The following ANKRD27 variants were observed in gnomAD, a reference collection of about 807,000 sequenced individuals.
The protein encoded by ANKRD27 is ankyrin repeat domain 27, also known as ankyrin repeat domain-containing protein 27.
ANKRD27 carries 112 observed loss-of-function variants against 129.7 expected under a neutral mutation model. The ratio of observed to expected loss-of-function variants is 0.86; its 90% CI spans 0.74 to 1.01. The LOEUF is 1.01. Ranked by LOEUF, ANKRD27 falls within the 50% of genes least tolerant of loss-of-function variation. ANKRD27 has a pLI of 0.00. For synonymous variants in ANKRD27, 516 were observed against 511.2 expected (o/e 1.01, Z -0.13); for missense variants, 1,258 against 1,300.5 (o/e 0.97, Z 0.50).
chr19:32,640,485 C>A, intron 10 of ANKRD27, 100 bp from the exon 11 acceptor site: 1 of 940,474 alleles, frequency 1.1e-6, no homozygotes. Flanking sequence ...AACCACGTAT[C>A]AGGGAGATCA....
At chr19:32,612,260 A>G (rs1971845939) in intron 22 of ANKRD27, among the ~76,000 whole-genome samples, 1 of 152,186 alleles carries the variant, frequency 6.6e-6, no homozygotes. Flanking sequence ...TACCATGTTC[A>G]TGAAGACTCA....
intron 12 of ANKRD27, chr19:32,636,429 C>G (rs1014961327): frequency 1.3e-5 from 2 of 151,410 alleles, no homozygotes; most frequent in Admixed American, 6.6e-5. Flanking sequence ...GGCAAAGAAT[C>G]TCGGGCCAAG....
chr19:32,621,520 A>G (rs1451499647), intron 18 of ANKRD27, among the ~76,000 whole-genome samples: 1 of 152,132 alleles, frequency 6.6e-6, no homozygotes, highest in Non-Finnish European at 1.5e-5. Context: ...CCCAGCTGCT[A>G]GGGAGGCTGA....
At chr19:32,655,662 C>T (rs1247494899) in intron 2 of ANKRD27, among the ~76,000 whole-genome samples, 2 of 152,100 alleles carry the variant, frequency 1.3e-5, no homozygotes, top group Admixed American at 6.6e-5. Context: ...AGGAGGATCG[C>T]CTGAGGTCAG....
At position 32,655,044 on chromosome 19, in the gene ANKRD27, A is replaced by C. The variant is rs138957729; in HGVS notation, c.102+3870T>G. 1,456 of 152,496 alleles carry C rather than the reference A, an allele frequency of 9.5e-3. 11 individuals carry two copies. Among genetic ancestry groups the C allele is most frequent in the Middle Eastern group, 0.023 (7 of 298 alleles). The allele number at this position is 152,496 out of a possible 1,614,324, so 9.4% of individuals were successfully genotyped here. ...TGATCCGCCTGCCTTGGCCTCCCAA[A>C]GTGCTGGGATTACAGGCATGAGCCA... On this transcript the variant is annotated intron_variant, in intron 2 of 28. Transcript: ENST00000306065.
intron 17 of ANKRD27, among the ~76,000 whole-genome samples, chr19:32,625,168 A>G (rs942160341): frequency 3.3e-5 from 5 of 152,058 alleles, no homozygotes; most frequent in Admixed American, 3.3e-4. Flanking sequence ...AGGTGGGAGA[A>G]TCGCTTGAAC....
intron 3 of ANKRD27, among the ~76,000 whole-genome samples, chr19:32,647,414 G>A (rs190348151): frequency 6.6e-6 from 1 of 152,316 alleles, no homozygotes; most frequent in Non-Finnish European, 1.5e-5. Context: ...GGTATGTGTC[G>A]TTTTGTTTTG....
intron 18 of ANKRD27, among the ~76,000 whole-genome samples, 185 bp downstream of exon 18, chr19:32,622,233 CCACT>C (rs1164688753): frequency 3.9e-5 from 6 of 152,134 alleles, no homozygotes; most frequent in East Asian, 1.9e-4. Flanking sequence ...AGAAAAACGC[CCACT>C]CAAACCAAAA....
intron 12 of ANKRD27, among the ~76,000 whole-genome samples, chr19:32,633,331 GTTTTTT>G (rs140018331): frequency 1.6e-5 from 2 of 122,226 alleles, no homozygotes; most frequent in Non-Finnish European, 3.5e-5. Context: ...TTTTTTATCT[GTTTTTT>G]TTTTTTTTTT....
rs185905241 is a variant in ANKRD27 at position 32,665,518 on chromosome 19, G to A, written c.-30-6473C>T. ...TCTGTCACCCAGGCTGGAGTACAGTGGCATGATCTTGACTCACAGCAAGCT... is the reference window on the plus strand; with the variant it reads ...TCTGTCACCCAGGCTGGAGTACAGTAGCATGATCTTGACTCACAGCAAGCT... On this transcript the variant is annotated intron_variant, in intron 1 of 28. Coordinates refer to ENST00000306065, the MANE Select transcript of ANKRD27 (RefSeq NM_032139.3). 2.7e-3 allele frequency among the ~76,000 whole-genome samples: 407 copies of A among 151,818 alleles called. 1 individual carries two copies. The highest frequency in any genetic ancestry group is 4.9e-3 in the Admixed American group (74 of 15,190).
At chr19:32,651,553 G>A (rs1967416937) in intron 2 of ANKRD27, among the ~76,000 whole-genome samples, 1 of 152,098 alleles carries the variant, frequency 6.6e-6, no homozygotes, top group Admixed American at 6.5e-5. Flanking sequence ...TGTATTTTTA[G>A]TAGAGACGGG....
chr19:32,663,918 T>C (rs1268392460), intron 1 of ANKRD27, among the ~76,000 whole-genome samples: 1 of 149,884 alleles, frequency 6.7e-6, no homozygotes, highest in East Asian at 2.0e-4. Flanking sequence ...TAGCCGGGCG[T>C]AGTGGCGGGC....
intron 2 of ANKRD27, among the ~76,000 whole-genome samples, chr19:32,656,972 T>C (rs150718193): frequency 1.6e-3 from 245 of 152,282 alleles, no homozygotes; most frequent in African/African-American, 5.3e-3. Flanking sequence ...ATTTTTAAAA[T>C]AATGAACTTT....
chr19:32,628,004 C>A, intron 15 of ANKRD27, 79 bp downstream of exon 15: 1 of 1,350,026 alleles, frequency 7.4e-7, no homozygotes, highest in Non-Finnish European at 1.0e-6. Flanking sequence ...AGCCCATCAG[C>A]CAGGCCTCTC....
At chr19:32,644,297 C>T (rs1392291108) in intron 5 of ANKRD27, 28 bp downstream of exon 5, 2 of 1,601,160 alleles carry the variant, frequency 1.2e-6, no homozygotes, top group African/African-American at 2.7e-5. Context: ...ACAGGGCACG[C>T]CAGGCAGAGG....
chr19:32,641,475 T>C (rs1029120893), intron 10 of ANKRD27, among the ~76,000 whole-genome samples: 5 of 152,136 alleles, frequency 3.3e-5, no homozygotes, highest in African/African-American at 1.2e-4. Context: ...ATTTAAAAAT[T>C]CAAACAATAC....
chr19:32,604,363 A>G lies in ANKRD27; in HGVS notation c.2555T>C (p.Ile852Thr), dbSNP rs370558676. 10 of 1,613,700 alleles carry G rather than the reference A, an allele frequency of 6.2e-6. No individual in the cohort carries two copies. Among genetic ancestry groups the G allele is most frequent in the African/African-American group, 2.7e-5 (2 of 74,940 alleles). The stretch of plus-strand genomic sequence containing the variant: ...CTCTACCACGAAGACGTGCTTTTCA[A>G]TCACAGCCTCGTGCAGCGCTGTGTT... Reference protein sequence around the residue: ...KGNTALHEAVIEKHVFVVELL... With the variant: ...KGNTALHEAVTEKHVFVVELL... The change falls in exon 25 of 29, where the codon ATT becomes ACT. Residue 852 changes from isoleucine to threonine, a missense_variant. Coordinates refer to ENST00000306065, the MANE Select transcript of ANKRD27 (RefSeq NM_032139.3).
intron 2 of ANKRD27, among the ~76,000 whole-genome samples, chr19:32,651,335 C>A (rs555619099): frequency 6.6e-6 from 1 of 152,180 alleles, no homozygotes; most frequent in African/African-American, 2.4e-5. Context: ...AAGGAAGGGC[C>A]GTGGCTGGAG....
At chr19:32,639,549 A>T (rs1416511631) in intron 11 of ANKRD27, 61 bp from the exon 12 acceptor site, 11 of 1,564,446 alleles carry the variant, frequency 7.0e-6, no homozygotes, top group Non-Finnish European at 9.6e-6. Flanking sequence ...CTGCAAAAAA[A>T]ATATCATTGG....
Sources: gnomAD v4.1 joint callset for allele counts (sites outside exome capture counted in the v4.1 genomes callset) on GRCh38, gnomAD v4.1.1 for gene constraint, MANE v1.5 for transcripts, NCBI Gene and HGNC (gene_info 2026-07-23, HGNC 2026-07-21) for gene names.